The following IFT122 variants were observed in gnomAD, a reference collection of about 807,000 sequenced individuals.
IFT122 encodes the protein intraflagellar transport protein 122 homolog.
Under a neutral mutation model 161.6 loss-of-function variants are expected in IFT122, and 118 were observed. The ratio of observed to expected loss-of-function variants is 0.73; its 90% CI spans 0.63 to 0.85. The LOEUF is 0.85. IFT122 is among the 40% of genes least tolerant of loss of function. The pLI is 0.00. For missense variants in IFT122, 1,381 were observed against 1,579.6 expected (o/e 0.87, Z 2.13); for synonymous variants, 550 against 602.4 (o/e 0.91, Z 1.27).
Position 129,469,419 on chromosome 3 carries a change from T to G in IFT122, c.816+2T>G. On this transcript the variant is annotated splice_donor_variant, in intron 9 of 29. Transcript: ENST00000348417. LOFTEE classifies it high-confidence loss of function. ...TTCTACCAGCTGAGTGGAAAACAGG[T>G]ATGTAGCCCTGTACAAATCCAATTG... The G allele has an allele frequency of 1.2e-6, 2 of 1,610,554 alleles. No individual in the cohort carries two copies. Among genetic ancestry groups the G allele is most frequent in the Non-Finnish European group, 1.7e-6 (2 of 1,176,890 alleles).
intron 1 of IFT122, among the ~76,000 whole-genome samples, chr3:129,448,301 G>A (rs1045717072): frequency 3.3e-5 from 5 of 152,160 alleles, no homozygotes; most frequent in Admixed American, 6.5e-5. Context: ...AGCTGACAGC[G>A]TTCTCGAAAA....
chr3:129,470,100 A>G (rs1234066087), intron 9 of IFT122, among the ~76,000 whole-genome samples: 1 of 151,278 alleles, frequency 6.6e-6, no homozygotes, highest in African/African-American at 2.4e-5. Flanking sequence ...TTTCAGGCAG[A>G]AAAAAAAATA....
At chr3:129,485,532 C>G (rs2079170240) in intron 15 of IFT122, among the ~76,000 whole-genome samples, 1 of 152,232 alleles carries the variant, frequency 6.6e-6, no homozygotes, top group South Asian at 2.1e-4. Context: ...CGAACAGCTT[C>G]TCCTGGACTG....
intron 14 of IFT122, among the ~76,000 whole-genome samples, chr3:129,483,281 C>T (rs772799159): frequency 2.6e-5 from 4 of 152,014 alleles, no homozygotes; most frequent in Non-Finnish European, 2.9e-5. Flanking sequence ...TCCAACAACA[C>T]GCAGGTGCAT....
chr3:129,512,210 C>G, intron 23 of IFT122, 102 bp from the exon 24 acceptor site: 1 of 835,950 alleles, frequency 1.2e-6, no homozygotes, highest in Non-Finnish European at 2.1e-6. Context: ...ATCAGAGCCG[C>G]TCTTGTTGAT....
intron 18 of IFT122, among the ~76,000 whole-genome samples, chr3:129,496,936 G>A (rs1349515409): frequency 2.0e-5 from 3 of 152,184 alleles, no homozygotes; most frequent in Non-Finnish European, 4.4e-5. Flanking sequence ...TAGAATTTAG[G>A]GTTGGGAACC....
chr3:129,481,745 C>A (rs1462767742), intron 14 of IFT122, 51 bp downstream of exon 14: 1 of 1,588,696 alleles, frequency 6.3e-7, no homozygotes, highest in Non-Finnish European at 8.6e-7. Flanking sequence ...TAGAGACTCT[C>A]CTCTAGCTTC....
chr3:129,490,051 C>T (rs910900993), intron 16 of IFT122, among the ~76,000 whole-genome samples: 1 of 151,834 alleles, frequency 6.6e-6, no homozygotes, highest in Non-Finnish European at 1.5e-5. Flanking sequence ...AATATTGAGA[C>T]GGGGACTCAC....
intron 1 of IFT122, among the ~76,000 whole-genome samples, chr3:129,441,664 G>T (rs1208960208): frequency 6.6e-6 from 1 of 152,122 alleles, no homozygotes; most frequent in Non-Finnish European, 1.5e-5. Context: ...AGACAGGCAG[G>T]TAACATAAAT....
chr3:129,515,738 A>G, intron 26 of IFT122, 139 bp downstream of exon 26: 1 of 767,554 alleles, frequency 1.3e-6, no homozygotes, highest in Non-Finnish European at 2.3e-6. Context: ...GGACACTCTG[A>G]CGCCCACCTA....
In IFT122 at chr3:129,506,506, T is replaced by G. The variant is rs1324464581; in HGVS notation, c.2748T>G (p.Tyr916Ter). The change falls in exon 22 of 30, where the codon TAT becomes TAG. Residue 916 changes from tyrosine (Y) to a stop codon, truncating the protein, a stop_gained. Coordinates refer to ENST00000348417, the MANE Select transcript of IFT122 (RefSeq NM_052989.3). LOFTEE classifies it high-confidence loss of function. Reference protein sequence around the residue: ...VAESRFNDAAYYYWMLSMQCL... With the variant: ...VAESRFNDAA ...AGAGCAGGTTTAATGATGCTGCCTATTATTACTGGATGCTGTCCATGCAGT... is the reference window on the plus strand; with the variant it reads ...AGAGCAGGTTTAATGATGCTGCCTAGTATTACTGGATGCTGTCCATGCAGT... 1 of 1,614,250 alleles carries G rather than the reference T, an allele frequency of 6.2e-7. No homozygotes were observed. The highest frequency in any genetic ancestry group is 8.5e-7 in the Non-Finnish European group (1 of 1,180,044).
At chr3:129,518,036 G>C (rs1002994967) in intron 27 of IFT122, among the ~76,000 whole-genome samples, 4 of 152,332 alleles carry the variant, frequency 2.6e-5, no homozygotes, top group Non-Finnish European at 5.9e-5. Context: ...CCCCAAGCAG[G>C]AGAGGAAGCT....
intron 12 of IFT122, 134 bp downstream of exon 12, chr3:129,478,352 A>G: frequency 1.4e-6 from 1 of 723,456 alleles, no homozygotes; most frequent in Non-Finnish European, 2.4e-6. Context: ...AGTGGTGCTT[A>G]TTGGCTTTCA....
intron 19 of IFT122, among the ~76,000 whole-genome samples, chr3:129,501,276 G>A (rs2081512059): frequency 6.6e-6 from 1 of 152,160 alleles, no homozygotes; most frequent in Non-Finnish European, 1.5e-5. Context: ...GGCTCAGGCT[G>A]GGTCCTAAAG....
intron 1 of IFT122, among the ~76,000 whole-genome samples, chr3:129,447,685 G>A (rs901794928): frequency 4.6e-5 from 7 of 152,048 alleles, no homozygotes; most frequent in African/African-American, 1.7e-4. Context: ...GCTAATTTTT[G>A]TATTTTTAGT....
At chr3:129,469,108 A>G (rs1162110393) in intron 8 of IFT122, among the ~76,000 whole-genome samples, 1 of 152,230 alleles carries the variant, frequency 6.6e-6, no homozygotes, top group African/African-American at 2.4e-5. Flanking sequence ...ATAAGGTCAT[A>G]GCAGGGGACT....
intron 2 of IFT122, among the ~76,000 whole-genome samples, chr3:129,451,525 T>G (rs894759926): frequency 1.3e-5 from 2 of 152,216 alleles, no homozygotes; most frequent in Non-Finnish European, 2.9e-5. Flanking sequence ...GTTGATTTAG[T>G]GCAGAGCTGG....
chr3:129,457,732 GTTTTTTTTTT>G (rs971386664), intron 3 of IFT122, among the ~76,000 whole-genome samples: 1 of 119,624 alleles, frequency 8.4e-6, no homozygotes, highest in Non-Finnish European at 1.7e-5. Context: ...CACAGGAATA[GTTTTTTTTTT>G]TTTTTTTTTT....
intron 1 of IFT122, among the ~76,000 whole-genome samples, chr3:129,443,249 A>C (rs145418301): frequency 0.01 from 1,558 of 152,330 alleles, 16 homozygotes; most frequent in Non-Finnish European, 0.015. Context: ...TGATGCAGGA[A>C]TTGGAGAGGC....
Sources: allele counts gnomAD v4.1 joint callset (sites outside exome capture counted in the v4.1 genomes callset), GRCh38; gene constraint gnomAD v4.1.1; transcripts MANE v1.5; gene names NCBI Gene and HGNC (gene_info 2026-07-23, HGNC 2026-07-21).